The following KLHL13 variants were observed in gnomAD, a reference collection of about 807,000 sequenced individuals.
The protein encoded by KLHL13 is kelch like family member 13.
Under a neutral mutation model 37.1 loss-of-function variants are expected in KLHL13, and 10 were observed. The ratio of observed to expected loss-of-function variants is 0.27; its 90% CI spans 0.17 to 0.46. The LOEUF is 0.46. Among genes scored for constraint, KLHL13 ranks in the 20% least tolerant of loss-of-function variants. The pLI, the probability that KLHL13 is intolerant of heterozygous loss-of-function variation, is 1.00. For missense variants in KLHL13, 360 were observed against 509.3 expected (o/e 0.71, Z 2.82); for synonymous variants, 163 against 181.2 (o/e 0.90, Z 0.81).
At chrX:118,037,294 C>T (rs1285600169) in intron 1 of KLHL13, among the ~76,000 whole-genome samples, 4 of 78,628 alleles carry the variant, frequency 5.1e-5, no homozygotes, top group Admixed American at 1.6e-4. Flanking sequence ...CACATGCACA[C>T]GTATGTTTAT....
At chrX:118,035,931 C>T (rs1251188053) in intron 1 of KLHL13, among the ~76,000 whole-genome samples, 2 of 100,371 alleles carry the variant, frequency 2.0e-5, no homozygotes, top group Admixed American at 1.1e-4. Flanking sequence ...AAATCACAAG[C>T]ATTCTTATAC....
At chrX:118,114,934 T>C (rs1347598057) in intron 1 of KLHL13, among the ~76,000 whole-genome samples, 1 of 112,050 alleles carries the variant, frequency 8.9e-6, no homozygotes, top group African/African-American at 3.2e-5. Context: ...CAGAAACTAC[T>C]CTCATCTCAC....
chrX:118,046,730 A>C (rs950907071), intron 1 of KLHL13, among the ~76,000 whole-genome samples: 53 of 111,865 alleles, frequency 4.7e-4, no homozygotes, highest in African/African-American at 1.7e-3. Flanking sequence ...TATATTCCCC[A>C]TGAGAAGGTG....
At chrX:118,024,489 T>C (rs1401352438) in intron 1 of KLHL13, among the ~76,000 whole-genome samples, 1 of 111,861 alleles carries the variant, frequency 8.9e-6, no homozygotes, top group East Asian at 2.8e-4. Context: ...GAAGGAAATA[T>C]TCACAGTACA....
chrX:118,066,427 A>G (rs1365907234), intron 1 of KLHL13, among the ~76,000 whole-genome samples: 35 of 111,764 alleles, frequency 3.1e-4, no homozygotes, highest in Non-Finnish European at 3.8e-5. Context: ...TTCATAACAT[A>G]TTTATTTTAT....
chrX:117,992,561 T>C (rs918257641), intron 1 of KLHL13, among the ~76,000 whole-genome samples: 9 of 110,356 alleles, frequency 8.2e-5, no homozygotes, highest in African/African-American at 3.0e-4. Flanking sequence ...ACACCCTAAT[T>C]AGACTGGTCT....
At chrX:118,039,758 A>G (rs1471241862) in intron 1 of KLHL13, among the ~76,000 whole-genome samples, 2 of 111,272 alleles carry the variant, frequency 1.8e-5, no homozygotes, top group Non-Finnish European at 3.8e-5. Flanking sequence ...GTAGCCAGGA[A>G]GTGGTTACCA....
At chrX:117,919,964 A>C (rs1406035168) in intron 3 of KLHL13, among the ~76,000 whole-genome samples, 1 of 100,999 alleles carries the variant, frequency 9.9e-6, no homozygotes, top group East Asian at 2.9e-4. Context: ...TTTGACATAG[A>C]GTAGAGATTG....
At chrX:117,974,661 A>G (rs1405765891), upstream of KLHL13, among the ~76,000 whole-genome samples, 1 of 111,941 alleles carries the variant, frequency 8.9e-6, no homozygotes, top group East Asian at 2.8e-4. Context: ...ACCAATATCA[A>G]GGCAAAAAGA....
At chrX:117,950,555 T>A (rs1933541330) in intron 1 of KLHL13, among the ~76,000 whole-genome samples, 1 of 112,124 alleles carries the variant, frequency 8.9e-6, no homozygotes, top group Non-Finnish European at 1.9e-5. Flanking sequence ...TTAATAATAT[T>A]ACCTTAACTA....
At chrX:118,014,619 TTGC>T (rs950353545) in intron 1 of KLHL13, among the ~76,000 whole-genome samples, 23 of 112,506 alleles carry the variant, frequency 2.0e-4, no homozygotes, top group African/African-American at 6.8e-4. Flanking sequence ...TAACAAAAAC[TTGC>T]TGGTTTTGCA....
At chrX:117,986,989 T>A (rs1286787642) in intron 1 of KLHL13, among the ~76,000 whole-genome samples, 1 of 111,192 alleles carries the variant, frequency 9.0e-6, no homozygotes, top group Non-Finnish European at 1.9e-5. Context: ...CACGCTAATC[T>A]TAGTAACTTC....
At chrX:117,969,074 AC>A (rs1410631634) in intron 1 of KLHL13, among the ~76,000 whole-genome samples, 1 of 111,974 alleles carries the variant, frequency 8.9e-6, no homozygotes, top group Non-Finnish European at 1.9e-5. Context: ...CTAAAGGAGA[AC>A]AAGTCTAGTT....
At chrX:117,967,753 T>TA (rs750584807) in intron 1 of KLHL13, among the ~76,000 whole-genome samples, 250 of 111,921 alleles carry the variant, frequency 2.2e-3, no homozygotes, top group African/African-American at 7.4e-3. Flanking sequence ...TTTTAAAAAA[T>TA]ACACAATAGG....
chrX:117,972,774 C>G (rs2053545564), exon 1 of KLHL13: 1 of 1,210,134 alleles, frequency 8.3e-7, no homozygotes. Context: ...GTTTTAAGCA[C>G]AGGAACTGGG....
intron 1 of KLHL13, among the ~76,000 whole-genome samples, chrX:117,963,444 G>A (rs1449887601): frequency 8.9e-6 from 1 of 111,790 alleles, no homozygotes; most frequent in Non-Finnish European, 1.9e-5. Context: ...CATTCTTGTT[G>A]TTTAAAAAGA....
intron 2 of KLHL13, among the ~76,000 whole-genome samples, chrX:117,926,852 G>A (rs1932053278): frequency 1.2e-5 from 1 of 86,547 alleles, no homozygotes; most frequent in Non-Finnish European, 2.2e-5. Flanking sequence ...CCTGTCAACA[G>A]ACAGAAAAAG....
At chrX:118,077,275 A>G (rs148833977) in intron 1 of KLHL13, among the ~76,000 whole-genome samples, 1 of 111,398 alleles carries the variant, frequency 9.0e-6, no homozygotes, top group East Asian at 2.8e-4. Flanking sequence ...TCAATTCTAT[A>G]AGAGAAAGTT....
At chrX:118,081,153 A>G (rs1429624239) in intron 1 of KLHL13, among the ~76,000 whole-genome samples, 1 of 111,644 alleles carries the variant, frequency 9.0e-6, no homozygotes, top group African/African-American at 3.3e-5. Flanking sequence ...AAAGCTACCT[A>G]TTGGGTATTG....
Sources: allele counts gnomAD v4.1 joint callset (sites outside exome capture counted in the v4.1 genomes callset), GRCh38; gene constraint gnomAD v4.1.1; transcripts MANE v1.5; gene names NCBI Gene and HGNC (gene_info 2026-07-23, HGNC 2026-07-21).